Variants in TNMD observed in about 807,000 individuals in gnomAD.
TNMD encodes the protein tenomodulin, also known as BRICHOS domain containing 4.
A neutral mutation model predicts 26.9 loss-of-function variants in TNMD; 15 were observed. The ratio of observed to expected loss-of-function variants is 0.56; its 90% CI spans 0.37 to 0.86. The LOEUF is 0.86. Among genes scored for constraint, TNMD ranks in the 40% least tolerant of loss-of-function variants. The pLI is 0.00. For missense variants in TNMD, 222 were observed against 242.6 expected (o/e 0.92, Z 0.56); for synonymous variants, 73 against 77.0 (o/e 0.95, Z 0.27).
rs2082960882 is a variant in TNMD at position 100,599,047 on chromosome X, A to G, written c.609A>G (p.Gly203=). Residue 203 remains glycine (G), a synonymous_variant, in exon 6 of 7, where the codon GGA becomes GGG. Transcript: ENST00000373031. The part of the protein sequence containing the change: ...VSELQDFEEE[G]EDLHFPANEK... ...AGTTACAAGACTTTGAGGAGGAGGGAGAAGATCTTCACTTTCCTGCCAACG... is the reference window on the plus strand; with the variant it reads ...AGTTACAAGACTTTGAGGAGGAGGGGGAAGATCTTCACTTTCCTGCCAACG... 3 of 1,205,882 alleles carry G rather than the reference A, an allele frequency of 2.5e-6. No individual in the cohort carries two copies. The highest frequency in any genetic ancestry group is 3.4e-6 in the Non-Finnish European group (3 of 892,361).
intron 2 of TNMD, 28 bp downstream of exon 2, chrX:100,585,390 G>T: frequency 8.5e-7 from 1 of 1,174,760 alleles, no homozygotes. Flanking sequence ...ATAATCTGAT[G>T]CTTCTGTTCT....
intron 2 of TNMD, among the ~76,000 whole-genome samples, chrX:100,587,787 A>G (rs1602684972): frequency 8.9e-6 from 1 of 112,232 alleles, no homozygotes; most frequent in Non-Finnish European, 1.9e-5. Context: ...ACTAGCAGTC[A>G]GATTAGTCTT....
At chrX:100,590,864 C>T (rs971298134) in intron 2 of TNMD, among the ~76,000 whole-genome samples, 1 of 111,877 alleles carries the variant, frequency 8.9e-6, no homozygotes, top group African/African-American at 3.3e-5. Flanking sequence ...TGGTTTTAGC[C>T]ATTGAAAGTA....
intron 4 of TNMD, among the ~76,000 whole-genome samples, chrX:100,596,902 G>A (rs1392144305): frequency 8.9e-6 from 1 of 112,298 alleles, no homozygotes; most frequent in East Asian, 2.8e-4. Flanking sequence ...TGAAAGGAAT[G>A]CAATAGTAGG....
At chrX:100,598,297 G>A (rs942943504) in intron 5 of TNMD, among the ~76,000 whole-genome samples, 1 of 111,225 alleles carries the variant, frequency 9.0e-6, no homozygotes, top group Non-Finnish European at 1.9e-5. Flanking sequence ...TTACCCAAGA[G>A]AGGTTATTCT....
chrX:100,595,508 C>G (rs1349202739), intron 4 of TNMD, among the ~76,000 whole-genome samples: 2 of 110,444 alleles, frequency 1.8e-5, no homozygotes, highest in Non-Finnish European at 3.8e-5. Flanking sequence ...TTTTCTCCCA[C>G]CCAGCTCCCT....
rs977577446 is a variant in TNMD, at chrX:100,599,082, G to A, written c.644G>A (p.Gly215Glu). The A allele has an allele frequency of 4.1e-6, 5 of 1,205,265 alleles. No homozygotes were observed. The African/African-American group carries it at 7.0e-5, about 17-fold the overall frequency. Reference protein sequence around the residue: ...DLHFPANEKKGIEQNEQWVVP... With the variant: ...DLHFPANEKKEIEQNEQWVVP... ...CACTTTCCTGCCAACGAAAAAAAAG[G>A]GATTGAACAAAATGAACAGTGGGTG... Residue 215 changes from glycine (G) to glutamate (E), a missense_variant, in exon 6 of 7, where the codon GGG (glycine) becomes GAG (glutamate). By Grantham distance (98) the Gly-to-Glu change is moderately conservative. Coordinates refer to ENST00000373031, the MANE Select transcript of TNMD (RefSeq NM_022144.3).
At chrX:100,596,949 AAAAC>A (rs747428705) in intron 4 of TNMD, among the ~76,000 whole-genome samples, 1 of 112,199 alleles carries the variant, frequency 8.9e-6, no homozygotes, top group Non-Finnish European at 1.9e-5. Context: ...ACTTGCCTTT[AAAAC>A]ATAAAAGGAA....
chrX:100,599,232 C>T, intron 6 of TNMD, 50 bp downstream of exon 6: 2 of 1,011,464 alleles, frequency 2.0e-6, no homozygotes, highest in Non-Finnish European at 2.6e-6. Context: ...AAAGAGCCCT[C>T]ACAAAACTTA....
chrX:100,585,129 G>T (rs916689700), intron 1 of TNMD, 63 bp downstream of exon 1: 1 of 1,180,486 alleles, frequency 8.5e-7, no homozygotes, highest in Non-Finnish European at 1.1e-6. Flanking sequence ...TTATCATATT[G>T]CAAAGTGAAC....
intron 2 of TNMD, 150 bp downstream of exon 2, chrX:100,585,512 C>T (rs1416309070): frequency 2.9e-6 from 2 of 694,270 alleles, no homozygotes; most frequent in Non-Finnish European, 4.0e-6. Context: ...CAAGATTTTT[C>T]TCTCCTTCAT....
intron 2 of TNMD, among the ~76,000 whole-genome samples, chrX:100,592,156 A>T (rs1261340050): frequency 9.0e-6 from 1 of 111,658 alleles, no homozygotes; most frequent in Non-Finnish European, 1.9e-5. Flanking sequence ...AATGGATAGT[A>T]TTTCTAACAA....
intron 2 of TNMD, among the ~76,000 whole-genome samples, chrX:100,590,055 A>G (rs150542994): frequency 8.9e-6 from 1 of 112,368 alleles, no homozygotes; most frequent in African/African-American, 3.2e-5. Flanking sequence ...ATATTGCCAA[A>G]TGGTGATTGA....
At chrX:100,591,749 A>G (rs2082938462) in intron 2 of TNMD, among the ~76,000 whole-genome samples, 1 of 111,456 alleles carries the variant, frequency 9.0e-6, no homozygotes, top group South Asian at 3.8e-4. Context: ...AAAGCCAACA[A>G]GTTGGTTAAT....
chrX:100,595,086 C>T (rs1343889021), intron 4 of TNMD, among the ~76,000 whole-genome samples: 1 of 111,652 alleles, frequency 9.0e-6, no homozygotes, highest in African/African-American at 3.3e-5. Flanking sequence ...TTATTGTTCC[C>T]TGATATTTTG....
chrX:100,587,059 G>A (rs1469770270), intron 2 of TNMD, among the ~76,000 whole-genome samples: 1 of 112,190 alleles, frequency 8.9e-6, no homozygotes, highest in Non-Finnish European at 1.9e-5. Flanking sequence ...CTAAATAAGG[G>A]GCCAAATGGC....
chrX:100,586,639 C>G (rs2082922735), intron 2 of TNMD, among the ~76,000 whole-genome samples: 1 of 111,404 alleles, frequency 9.0e-6, no homozygotes, highest in Admixed American at 9.5e-5. Flanking sequence ...ACTTTGTTTG[C>G]CTTTTTATTT....
chrX:100,593,584 AG>A (rs760044606), intron 2 of TNMD: 42 of 146,231 alleles, frequency 2.9e-4, no homozygotes, highest in South Asian at 1.1e-3. Flanking sequence ...CGGGGCAGTA[AG>A]GGGGGGGTCG....
chrX:100,585,385 C>A, intron 2 of TNMD, 23 bp downstream of exon 2: 1 of 1,187,267 alleles, frequency 8.4e-7, no homozygotes, highest in Non-Finnish European at 1.1e-6. Flanking sequence ...ACATCATAAT[C>A]TGATGCTTCT....
Sources: allele counts gnomAD v4.1 joint callset (sites outside exome capture counted in the v4.1 genomes callset), GRCh38; gene constraint gnomAD v4.1.1; transcripts MANE v1.5; gene names NCBI Gene and HGNC (gene_info 2026-07-23, HGNC 2026-07-21).